Variants in B3GLCT observed in about 807,000 individuals in gnomAD.
B3GLCT encodes the protein beta 3-glucosyltransferase, also known as beta-1,3-glucosyltransferase.
B3GLCT carries 65 observed loss-of-function variants against 63.4 expected under a neutral mutation model. The observed-to-expected ratio is 1.03, with a 90% CI of 0.84 to 1.26. B3GLCT has a LOEUF of 1.26. B3GLCT is among the 50% of genes most tolerant of loss of function. The pLI, the probability that B3GLCT is intolerant of heterozygous loss-of-function variation, is 0.00. For synonymous variants in B3GLCT, 233 were observed against 219.2 expected (o/e 1.06, Z -0.55); for missense variants, 577 against 604.8 (o/e 0.95, Z 0.48).
chr13:31,312,517 A>G (rs1421112692), intron 12 of B3GLCT: 6 of 152,230 alleles, frequency 3.9e-5, no homozygotes. Context: ...CAAATTTAGT[A>G]CAACAAGAAT....
chr13:31,225,782 T>A (rs961581214), intron 3 of B3GLCT, among the ~76,000 whole-genome samples: 2 of 152,166 alleles, frequency 1.3e-5, no homozygotes, highest in Non-Finnish European at 2.9e-5. Flanking sequence ...TTCGGGACAG[T>A]GTCCTCCTTC....
Position 31,203,583 on chromosome 13 carries a change from A to G in B3GLCT, c.70+3429A>G, listed in dbSNP as rs571154330. On this transcript the variant is annotated intron_variant, in intron 1 of 14. Coordinates refer to ENST00000343307, the MANE Select transcript of B3GLCT (RefSeq NM_194318.4). The stretch of plus-strand genomic sequence containing the variant: ...TTTTTTGGTGTGTTTTACTAGACTC[A>G]TTATGAAGCAAGCAAGCAAGCATAA... Among the ~76,000 whole-genome samples, 215 of 152,322 alleles carry G rather than the reference A, an allele frequency of 1.4e-3. 1 individual carries two copies. The highest frequency in any genetic ancestry group is 4.8e-3 in the African/African-American group (200 of 41,576).
intron 8 of B3GLCT, among the ~76,000 whole-genome samples, chr13:31,272,495 A>C (rs753111276): frequency 1.8e-4 from 27 of 151,944 alleles, no homozygotes; most frequent in Non-Finnish European, 3.4e-4. Context: ...GGATTACAGG[A>C]GTGAGCCACC....
At chr13:31,292,039 T>C (rs898987584) in intron 12 of B3GLCT, among the ~76,000 whole-genome samples, 1 of 152,244 alleles carries the variant, frequency 6.6e-6, no homozygotes, top group African/African-American at 2.4e-5. Flanking sequence ...TGTTGAATTT[T>C]ATCGAAGGCC....
At chr13:31,224,241 C>G (rs985991793) in intron 3 of B3GLCT, among the ~76,000 whole-genome samples, 1 of 152,158 alleles carries the variant, frequency 6.6e-6, no homozygotes, top group African/African-American at 2.4e-5. Context: ...TTAGCCACGC[C>G]TTTCCATGTG....
At chr13:31,262,571 G>A (rs1366631697) in intron 7 of B3GLCT, among the ~76,000 whole-genome samples, 1 of 148,820 alleles carries the variant, frequency 6.7e-6, no homozygotes, top group Non-Finnish European at 1.5e-5. Context: ...AGCAGCCTTG[G>A]GTCGTGTTTC....
intron 13 of B3GLCT, 82 bp from the exon 14 acceptor site, chr13:31,323,669 T>C: frequency 6.6e-7 from 1 of 1,520,478 alleles, no homozygotes; most frequent in Non-Finnish European, 9.1e-7. Context: ...AGGAGTAAAG[T>C]CCTGTTTCCC....
intron 6 of B3GLCT, among the ~76,000 whole-genome samples, chr13:31,259,288 G>T (rs770001672): frequency 1.3e-5 from 2 of 152,020 alleles, no homozygotes; most frequent in Admixed American, 6.6e-5. Context: ...TGCTCTGCTG[G>T]GTGAGTTTGG....
intron 10 of B3GLCT, among the ~76,000 whole-genome samples, chr13:31,280,339 A>G (rs545313383): frequency 6.9e-4 from 105 of 152,338 alleles, no homozygotes; most frequent in Admixed American, 3.0e-3. Context: ...TTCTCCTGCC[A>G]TGGCTTCAGC....
chr13:31,322,306 G>T (rs979624651), intron 13 of B3GLCT, among the ~76,000 whole-genome samples: 4 of 152,248 alleles, frequency 2.6e-5, no homozygotes, highest in Admixed American at 6.5e-5. Flanking sequence ...GGGCAGGCAT[G>T]TTTCTCATGC....
intron 6 of B3GLCT, among the ~76,000 whole-genome samples, chr13:31,258,055 C>T (rs995085901): frequency 5.9e-5 from 9 of 152,072 alleles, no homozygotes; most frequent in South Asian, 2.1e-4. Context: ...GTAAGGGATG[C>T]ATTGGGAATG....
intron 9 of B3GLCT, among the ~76,000 whole-genome samples, chr13:31,274,859 T>C (rs1566075882): frequency 1.3e-5 from 2 of 152,290 alleles, no homozygotes; most frequent in African/African-American, 2.4e-5. Flanking sequence ...TCTTCCTTCC[T>C]CCCCTTTTTA....
chr13:31,201,206 T>G (rs1412498937), intron 1 of B3GLCT, among the ~76,000 whole-genome samples: 6 of 152,210 alleles, frequency 3.9e-5, no homozygotes, highest in Non-Finnish European at 8.8e-5. Context: ...GGAAAAGACG[T>G]AGCGTTATTG....
intron 1 of B3GLCT, among the ~76,000 whole-genome samples, chr13:31,212,262 A>G (rs1008951626): frequency 4.1e-5 from 6 of 146,844 alleles, no homozygotes; most frequent in African/African-American, 1.5e-4. Context: ...CTCTAGCATA[A>G]CTGGCTTTTT....
At chr13:31,309,061 G>A (rs963780223) in intron 12 of B3GLCT, among the ~76,000 whole-genome samples, 2 of 152,044 alleles carry the variant, frequency 1.3e-5, no homozygotes, top group Non-Finnish European at 2.9e-5. Context: ...AATTCCATTG[G>A]TAACTTTTAC....
chr13:31,293,798 C>G (rs986721250), intron 12 of B3GLCT, among the ~76,000 whole-genome samples: 1 of 152,058 alleles, frequency 6.6e-6, no homozygotes, highest in African/African-American at 2.4e-5. Context: ...AGCATTTAGC[C>G]CATTTACATT....
chr13:31,312,107 G>A (rs559456475), intron 12 of B3GLCT, among the ~76,000 whole-genome samples: 1 of 152,332 alleles, frequency 6.6e-6, no homozygotes, highest in South Asian at 2.1e-4. Flanking sequence ...CTTATCACAA[G>A]TGACAGCAAG....
chr13:31,219,648 G>C (rs1869724767), intron 2 of B3GLCT, among the ~76,000 whole-genome samples: 1 of 152,126 alleles, frequency 6.6e-6, no homozygotes, highest in African/African-American at 2.4e-5. Flanking sequence ...TCTGTAAGAT[G>C]GGGTAGTAGG....
At chr13:31,237,651 CG>C (rs932875380) in intron 4 of B3GLCT, among the ~76,000 whole-genome samples, 1 of 152,012 alleles carries the variant, frequency 6.6e-6, no homozygotes, top group Non-Finnish European at 1.5e-5. Flanking sequence ...CACCATGCCC[CG>C]TCTACTGGAG....
Sources: gnomAD v4.1 joint callset for allele counts (sites outside exome capture counted in the v4.1 genomes callset) on GRCh38, gnomAD v4.1.1 for gene constraint, MANE v1.5 for transcripts, NCBI Gene and HGNC (gene_info 2026-07-23, HGNC 2026-07-21) for gene names.